The following CHSY3 variants were observed in gnomAD, a reference collection of about 807,000 sequenced individuals.
CHSY3 encodes the protein N-acetylgalactosaminyl-proteoglycan 3-beta-glucuronosyltransferase 3.
In CHSY3, 35 loss-of-function variants were observed where a neutral mutation model predicts 67.2. The observed-to-expected ratio is 0.52, with a 90% CI of 0.40 to 0.69. CHSY3 has a LOEUF of 0.69. CHSY3 is among the 30% of genes least tolerant of loss of function. The pLI, the probability that CHSY3 is intolerant of heterozygous loss-of-function variation, is 0.00. For synonymous variants in CHSY3, 474 were observed against 434.7 expected (o/e 1.09, Z -1.12); for missense variants, 1,069 against 1,138.5 (o/e 0.94, Z 0.88).
At chr5:130,001,643 G>T (rs541436151) in intron 2 of CHSY3, 2 of 803,280 alleles carry the variant, frequency 2.5e-6, no homozygotes, top group African/African-American at 3.7e-5. Context: ...TAAGGAGTAG[G>T]ATAATATGTA....
intron 2 of CHSY3, among the ~76,000 whole-genome samples, chr5:129,927,773 A>G (rs1761165832): frequency 6.6e-6 from 1 of 151,880 alleles, no homozygotes; most frequent in African/African-American, 2.4e-5. Context: ...TTTTTTCCCA[A>G]AAGATTTGTG....
chr5:129,967,440 AAAT>A (rs1320759476), intron 2 of CHSY3, among the ~76,000 whole-genome samples: 1 of 151,846 alleles, frequency 6.6e-6, no homozygotes, highest in African/African-American at 2.4e-5. Flanking sequence ...TATTTCTGTA[AAAT>A]TGAAAAGTCA....
rs552251959 is a variant in CHSY3, at chr5:130,131,954, C to G, written c.1087-52275C>G. 8.6e-5 allele frequency among the ~76,000 whole-genome samples: 13 copies of G among 151,568 alleles called. No individual in the cohort carries two copies. The South Asian group carries it at 2.6e-3, about 30-fold the overall frequency. On this transcript the variant is annotated intron_variant, in intron 2 of 2. Coordinates refer to ENST00000305031, the MANE Select transcript of CHSY3 (RefSeq NM_175856.5). ...GTGCCTCCTTATCTTTAAGGTCTTA[C>G]CTAAACTGTGATTCCCTACTCTCAG...
chr5:129,984,826 G>C (rs1763129635), intron 2 of CHSY3, among the ~76,000 whole-genome samples: 2 of 151,998 alleles, frequency 1.3e-5, no homozygotes, highest in African/African-American at 4.8e-5. Context: ...GTCTTCTTTT[G>C]AGAAGTGCCT....
At chr5:129,918,393 A>G (rs1760801971) in intron 2 of CHSY3, among the ~76,000 whole-genome samples, 1 of 152,250 alleles carries the variant, frequency 6.6e-6, no homozygotes, top group East Asian at 1.9e-4. Context: ...CGAAGGTATC[A>G]GAACTACATG....
intron 2 of CHSY3, among the ~76,000 whole-genome samples, chr5:130,095,541 T>G (rs1478861431): frequency 6.6e-6 from 1 of 152,188 alleles, no homozygotes; most frequent in African/African-American, 2.4e-5. Context: ...TATAAAAAAT[T>G]GAATCAATGA....
At chr5:130,136,505 T>A (rs10463866) in intron 2 of CHSY3, among the ~76,000 whole-genome samples, 6,643 of 151,690 alleles carry the variant, frequency 0.044, 424 homozygotes, top group East Asian at 0.27. Flanking sequence ...AAGAGAGTGG[T>A]CCCATTTCAA....
intron 2 of CHSY3, among the ~76,000 whole-genome samples, chr5:130,130,268 A>AT (rs933946500): frequency 5.3e-5 from 8 of 152,180 alleles, no homozygotes; most frequent in African/African-American, 1.9e-4. Context: ...TTAAGGCAAG[A>AT]TTTTTTATAG....
At chr5:129,985,850 A>T (rs923664919) in intron 2 of CHSY3, among the ~76,000 whole-genome samples, 1 of 152,070 alleles carries the variant, frequency 6.6e-6, no homozygotes, top group South Asian at 2.1e-4. Context: ...TAGAAATGAT[A>T]CTGATTTTTG....
chr5:130,184,822 T>G lies in CHSY3; in HGVS notation c.1680T>G (p.His560Gln). 1.1e-5 allele frequency: 17 copies of G among 1,611,434 alleles called. No individual in the cohort carries two copies. Among genetic ancestry groups the G allele is most frequent in the Non-Finnish European group, 1.4e-5 (16 of 1,177,504 alleles). Residue 560 changes from histidine to glutamine, a missense_variant, in exon 3 of 3, where the codon CAT becomes CAG. By Grantham distance (24) the His-to-Gln change is conservative. Coordinates refer to ENST00000305031, the MANE Select transcript of CHSY3 (RefSeq NM_175856.5). Reference protein sequence around the residue: ...GRKLTVPVRRHAYLQQLFSKP... With the variant: ...GRKLTVPVRRQAYLQQLFSKP... The stretch of plus-strand genomic sequence containing the variant: ...AACTGACTGTGCCAGTGAGACGTCA[T>G]GCCTATCTTCAGCAGTTGTTCAGCA...
At position 130,174,381 on chromosome 5, in the gene CHSY3, C is replaced by T. The variant is rs576198131; in HGVS notation, c.1087-9848C>T. Among the ~76,000 whole-genome samples the T allele has an allele frequency of 2.0e-5, 3 of 151,560 alleles. No individual in the cohort carries two copies. The East Asian group carries it at 5.9e-4, about 30-fold the overall frequency. Reference sequence around the variant, plus strand: ...TCTTTACATAAGTAAATTAAGGAGACTTTTTTCCTTCATAGAGAAGACCAA... The same window carrying T: ...TCTTTACATAAGTAAATTAAGGAGATTTTTTTCCTTCATAGAGAAGACCAA... On this transcript the variant is annotated intron_variant, in intron 2 of 2. Transcript: ENST00000305031.
At chr5:130,023,145 C>T (rs1580659344) in intron 2 of CHSY3, among the ~76,000 whole-genome samples, 1 of 151,850 alleles carries the variant, frequency 6.6e-6, no homozygotes, top group Non-Finnish European at 1.5e-5. Flanking sequence ...ATGAAACCTT[C>T]AATTCTTTCT....
At chr5:130,172,177 C>T (rs193216921) in intron 2 of CHSY3, among the ~76,000 whole-genome samples, 204 of 151,864 alleles carry the variant, frequency 1.3e-3, no homozygotes, top group Non-Finnish European at 1.9e-3. Flanking sequence ...AAAGCTAATC[C>T]GGAAGGAAAC....
At chr5:130,100,252 G>A (rs1210089251) in intron 2 of CHSY3, among the ~76,000 whole-genome samples, 2 of 151,976 alleles carry the variant, frequency 1.3e-5, no homozygotes, top group African/African-American at 2.4e-5. Flanking sequence ...CGCGATCTCC[G>A]CTCACTGCAA....
chr5:130,153,150 G>A (rs1362870815), intron 2 of CHSY3, among the ~76,000 whole-genome samples: 2 of 152,152 alleles, frequency 1.3e-5, no homozygotes, highest in Non-Finnish European at 2.9e-5. Flanking sequence ...AGAATTGCTT[G>A]AGTCTGGAAG....
intron 2 of CHSY3, among the ~76,000 whole-genome samples, chr5:130,102,064 G>A (rs1482512538): frequency 6.6e-6 from 1 of 152,134 alleles, no homozygotes; most frequent in East Asian, 1.9e-4. Context: ...GAAGATGTCA[G>A]TTGTATTTCT....
intron 2 of CHSY3, among the ~76,000 whole-genome samples, chr5:130,026,440 C>T (rs764693165): frequency 7.9e-5 from 12 of 152,024 alleles, no homozygotes; most frequent in Non-Finnish European, 1.3e-4. Flanking sequence ...CACTGGTAAG[C>T]AGGATTTCCT....
chr5:129,959,834 G>T (rs1472667826), intron 2 of CHSY3, among the ~76,000 whole-genome samples: 1 of 151,830 alleles, frequency 6.6e-6, no homozygotes, highest in Non-Finnish European at 1.5e-5. Flanking sequence ...TCCTTTTATT[G>T]CAAGTGATGC....
At chr5:129,908,397 A>T in intron 2 of CHSY3, 37 bp downstream of exon 2, 8 of 1,598,978 alleles carry the variant, frequency 5.0e-6, no homozygotes, top group Non-Finnish European at 6.0e-6. Context: ...TTCACATAGT[A>T]CATATACATG....
Sources: gnomAD v4.1 joint callset for allele counts (sites outside exome capture counted in the v4.1 genomes callset) on GRCh38, gnomAD v4.1.1 for gene constraint, MANE v1.5 for transcripts, NCBI Gene and HGNC (gene_info 2026-07-23, HGNC 2026-07-21) for gene names.